The following METTL9 variants were observed in gnomAD, a reference collection of about 807,000 sequenced individuals.
The protein encoded by METTL9 is protein-L-histidine N-pros-methyltransferase.
Under a neutral mutation model 36.0 loss-of-function variants are expected in METTL9, and 10 were observed. The ratio of observed to expected loss-of-function variants is 0.28; its 90% CI spans 0.17 to 0.47. The LOEUF is 0.47. Among genes scored for constraint, METTL9 ranks in the 20% least tolerant of loss-of-function variants. METTL9 has a pLI of 0.99. For missense variants in METTL9, 246 were observed against 383.5 expected, an observed-to-expected ratio of 0.64 and a Z score of 3.00; for synonymous variants, 175 against 149.7, an observed-to-expected ratio of 1.17 and a Z score of -1.23.
chr16:21,641,449 T>C lies in METTL9; in HGVS notation c.752-13778T>C, dbSNP rs1410240182. 47 of 654,222 alleles carry C rather than the reference T, an allele frequency of 7.2e-5. No homozygotes were observed. In the East Asian group the frequency reaches 1.4e-3, roughly 19 times the overall value. The allele number at this position is 654,222 out of a possible 1,614,324, so 40.5% of individuals were successfully genotyped here. Reference sequence around the variant, plus strand: ...TTTTCAGTTTACCTTTATTTTTTTTTAAGACCTGATGATATATGTTCATTA... The same window carrying C: ...TTTTCAGTTTACCTTTATTTTTTTTCAAGACCTGATGATATATGTTCATTA... On this transcript the variant is annotated intron_variant, in intron 4 of 4. Transcript: ENST00000358154.
chr16:21,643,605 A>G, intron 4 of METTL9: 1 of 1,598,620 alleles, frequency 6.3e-7, no homozygotes. Context: ...TTGACTGCCA[A>G]GAAGAGAAGG....
intron 1 of METTL9, among the ~76,000 whole-genome samples, chr16:21,602,744 G>C (rs1007608219): frequency 2.0e-4 from 30 of 150,770 alleles, no homozygotes; most frequent in African/African-American, 7.3e-4. Flanking sequence ...TGCAACCTCT[G>C]CCTCCCAGGT....
intron 3 of METTL9, among the ~76,000 whole-genome samples, chr16:21,621,049 A>G (rs1965679643): frequency 6.6e-6 from 1 of 152,046 alleles, no homozygotes; most frequent in Non-Finnish European, 1.5e-5. Context: ...AGCTCACTGT[A>G]GCCTTGAACT....
chr16:21,655,059 A>G, intron 4 of METTL9, 168 bp from the exon 5 acceptor site: 1 of 631,088 alleles, frequency 1.6e-6, no homozygotes, highest in Admixed American at 3.0e-5. Context: ...TCTGTTCTTT[A>G]TCTGCCCACC....
chr16:21,643,826 C>G (rs1444851609), intron 4 of METTL9, among the ~76,000 whole-genome samples: 1 of 150,548 alleles, frequency 6.6e-6, no homozygotes, highest in Non-Finnish European at 1.5e-5. Flanking sequence ...GTATACATCT[C>G]CCTTCTTATA....
intron 4 of METTL9, among the ~76,000 whole-genome samples, chr16:21,636,450 G>A (rs1291489438): frequency 2.0e-5 from 3 of 152,162 alleles, no homozygotes; most frequent in African/African-American, 4.8e-5. Context: ...TTGAGAAGTG[G>A]GACTAGCCTC....
At chr16:21,644,555 T>G (rs1966372690) in intron 4 of METTL9, among the ~76,000 whole-genome samples, 1 of 152,192 alleles carries the variant, frequency 6.6e-6, no homozygotes, top group African/African-American at 2.4e-5. Flanking sequence ...TACTCAAGTA[T>G]GTAATAGTTA....
intron 2 of METTL9, among the ~76,000 whole-genome samples, chr16:21,617,255 A>G (rs1965575887): frequency 6.6e-6 from 1 of 151,592 alleles, no homozygotes; most frequent in Non-Finnish European, 1.5e-5. Context: ...CTTCTCTACT[A>G]AAAATCCAAA....
Position 21,599,957 on chromosome 16 carries a change from G to T in METTL9, c.165+59G>T, listed in dbSNP as rs1965066880. ...TGGCGGCCCGGCCTTCCCGCGCTGG[G>T]CCCGGCTATTGTGCGGGACGGCTCC... On this transcript the variant is annotated intron_variant, in intron 1 of 4. Coordinates refer to ENST00000358154, the MANE Select transcript of METTL9 (RefSeq NM_016025.5). The surrounding 1 kb of genome is among the most constrained non-coding windows in gnomAD (Gnocchi z 4.4). 7.9e-7 allele frequency: 1 copy of T among 1,265,968 alleles called. No individual in the cohort carries two copies. The highest frequency in any genetic ancestry group is 3.4e-5 in the East Asian group (1 of 29,518). 78.4% of individuals were successfully genotyped at this position (1,265,968 alleles called of 1,614,324 possible). A position where few individuals can be genotyped will look rare whatever the true frequency, so the allele number is the denominator to read the frequency against.
At chr16:21,643,409 A>C (rs1195178368) in intron 4 of METTL9, 1 of 636,812 alleles carries the variant, frequency 1.6e-6, no homozygotes, top group African/African-American at 1.8e-5. Context: ...AATAGGAAAT[A>C]GTGTCTGCAG....
intron 4 of METTL9, among the ~76,000 whole-genome samples, chr16:21,638,818 T>A (rs1390193640): frequency 6.6e-6 from 1 of 152,104 alleles, no homozygotes; most frequent in South Asian, 2.1e-4. Context: ...AAGGTTTGTG[T>A]GGGGGTGGAG....
chr16:21,645,882 G>A (rs1205435253), intron 4 of METTL9, among the ~76,000 whole-genome samples: 2 of 152,202 alleles, frequency 1.3e-5, no homozygotes, highest in Non-Finnish European at 2.9e-5. Flanking sequence ...TTAGCTGACA[G>A]ATGAGAATAA....
At chr16:21,633,140 C>G (rs1348705197) in intron 4 of METTL9, among the ~76,000 whole-genome samples, 1 of 152,064 alleles carries the variant, frequency 6.6e-6, no homozygotes, top group Non-Finnish European at 1.5e-5. Flanking sequence ...TGTCTTAGGG[C>G]AAGGATAAGC....
At chr16:21,630,741 G>A (rs1399894001) in intron 4 of METTL9, among the ~76,000 whole-genome samples, 1 of 152,162 alleles carries the variant, frequency 6.6e-6, no homozygotes, top group Non-Finnish European at 1.5e-5. Context: ...TAGCTTGATG[G>A]CCTCCATTCT....
intron 4 of METTL9, among the ~76,000 whole-genome samples, chr16:21,633,560 A>C (rs1966015751): frequency 6.6e-6 from 1 of 152,154 alleles, no homozygotes. Flanking sequence ...ATACAGAAGA[A>C]GGCATCCTTG....
chr16:21,601,604 G>T (rs1475731990), intron 1 of METTL9, among the ~76,000 whole-genome samples: 1 of 152,244 alleles, frequency 6.6e-6, no homozygotes, highest in South Asian at 2.1e-4. Context: ...TGTAGACATA[G>T]CCTCAGAATA....
chr16:21,607,226 C>T (rs376489061), intron 1 of METTL9, among the ~76,000 whole-genome samples: 16 of 152,196 alleles, frequency 1.1e-4, no homozygotes, highest in African/African-American at 3.6e-4. Context: ...AGGTTCCTGC[C>T]ACCACGCCTG....
At chr16:21,647,355 G>A (rs373342802) in intron 4 of METTL9, 13 of 1,613,982 alleles carry the variant, frequency 8.1e-6, no homozygotes, top group East Asian at 6.7e-5. Flanking sequence ...GCACCGTAGC[G>A]AAACCACAGG....
intron 4 of METTL9, chr16:21,652,317 G>A: frequency 2.2e-6 from 1 of 450,688 alleles, no homozygotes. Context: ...TAGCATAATA[G>A]CAAAGAGACT....
Sources: gnomAD v4.1 joint callset for allele counts (sites outside exome capture counted in the v4.1 genomes callset) on GRCh38, gnomAD v4.1.1 for gene constraint, Gnocchi (gnomAD v3.1) non-coding constraint, MANE v1.5 for transcripts, NCBI Gene and HGNC (gene_info 2026-07-23, HGNC 2026-07-21) for gene names.